Variants in OBSL1 observed in about 807,000 individuals in gnomAD.
The protein encoded by OBSL1 is obscurin like cytoskeletal adaptor 1.
Under a neutral mutation model 172.0 loss-of-function variants are expected in OBSL1, and 160 were observed. The observed-to-expected ratio is 0.93, with a 90% CI of 0.82 to 1.06. The LOEUF is 1.06. OBSL1 is among the 50% of genes least tolerant of loss of function. The pLI is 0.00. For missense variants in OBSL1, 2,681 were observed against 2,715.4 expected (o/e 0.99, Z 0.28); for synonymous variants, 1,200 against 1,196.3 (o/e 1.00, Z -0.06).
rs1221912543 is a variant in OBSL1, at chr2:219,568,469, G to A, written c.1013-145C>T. 1.3e-6 allele frequency: 1 copy of A among 791,868 alleles called. No homozygotes were observed. Among genetic ancestry groups the A allele is most frequent in the Non-Finnish European group, 2.0e-6 (1 of 511,824 alleles). The allele number at this position is 791,868 out of a possible 1,614,324, so 49.1% of individuals were successfully genotyped here. ...GTGGAATCACAGAAAACTACCAGAA[G>A]GGAAGTGGTGGTTCCTAAGATGACC... is the stretch of plus-strand genomic sequence containing the variant. On this transcript the variant is annotated intron_variant, in intron 1 of 20. Coordinates refer to ENST00000404537, the MANE Select transcript of OBSL1 (RefSeq NM_015311.3). This position sits in a 1 kb window ranked among gnomAD's most constrained non-coding sequence, Gnocchi z 4.1.
In OBSL1 at chr2:219,552,697, T is replaced by C; in HGVS notation, c.5147A>G (p.Glu1716Gly). The C allele has an allele frequency of 6.6e-7, 1 of 1,520,818 alleles. No individual in the cohort carries two copies. Among genetic ancestry groups the C allele is most frequent in the South Asian group, 1.2e-5 (1 of 83,588 alleles). The allele number at this position is 1,520,818 out of a possible 1,614,324, so 94.2% of individuals were successfully genotyped here. A position where few individuals can be genotyped will look rare whatever the true frequency, so the allele number is the denominator to read the frequency against. ...RAGPVRLTVR[E>G]RTVAVLSELR... ...CTCGGAGAGTACCGCCACAGTACGC[T>C]CTGGGGCGGAGCCCGGGGCGTGAGC... The change falls in exon 18 of 21, where the codon GAG (glutamate) becomes GGG (glycine). Residue 1716 changes from glutamate to glycine, a missense_variant and splice_region_variant. Glu to Gly is a moderately conservative substitution (Grantham distance 98, BLOSUM62 -2). Coordinates refer to ENST00000404537, the MANE Select transcript of OBSL1 (RefSeq NM_015311.3).
At chr2:219,548,204 T>C, downstream of OBSL1, 2 of 934,674 alleles carry the variant, frequency 2.1e-6, no homozygotes, top group Non-Finnish European at 3.1e-6. Flanking sequence ...AGAGCTGACT[T>C]GCTCAGGGTC....
chr2:219,547,847 C>T, downstream of OBSL1: 1 of 1,586,960 alleles, frequency 6.3e-7, no homozygotes, highest in Non-Finnish European at 8.5e-7. Flanking sequence ...CTGGCCCCGC[C>T]CACTCACCAC....
chr2:219,564,854 T>TA (rs1283100276), intron 6 of OBSL1, among the ~76,000 whole-genome samples: 1 of 152,152 alleles, frequency 6.6e-6, no homozygotes, highest in Non-Finnish European at 1.5e-5. Context: ...GGCGGGCAGA[T>TA]CATTTGAGGT....
At chr2:219,560,205 ACTTC>A (rs935761102) in intron 8 of OBSL1, among the ~76,000 whole-genome samples, 12 of 152,174 alleles carry the variant, frequency 7.9e-5, no homozygotes, top group Admixed American at 3.9e-4. Flanking sequence ...TGATTATACA[ACTTC>A]CTTAAGGTCA....
At chr2:219,549,127 T>G (rs1695469263), downstream of OBSL1, 1 of 1,613,222 alleles carries the variant, frequency 6.2e-7, no homozygotes, top group East Asian at 2.2e-5. Context: ...TCCTCTGAGC[T>G]CCTTCTCTAC....
rs958754107 is a variant in OBSL1, at chr2:219,551,121, A to G, written c.5684-279T>C. ...GAAAGAGGCTTCTGCCAAGGCTGAC[A>G]TGGAACTTGCTGAGATGGGCAGAGG... On this transcript the variant is annotated intron_variant, in intron 20 of 20. Transcript: ENST00000404537. 8 of 1,399,506 alleles carry G rather than the reference A, an allele frequency of 5.7e-6. No homozygotes were observed. In the African/African-American group the frequency reaches 8.7e-5, roughly 15 times the overall value. The allele number at this position is 1,399,506 out of a possible 1,614,324, so 86.7% of individuals were successfully genotyped here.
In OBSL1 at chr2:219,556,732, C is replaced by T; in HGVS notation, c.4067-9G>A. The T allele has an allele frequency of 1.3e-6, 2 of 1,590,216 alleles. No homozygotes were observed. Among genetic ancestry groups the T allele is most frequent in the Non-Finnish European group, 1.7e-6 (2 of 1,163,200 alleles). ...CTTCACCAGCAGTGGCTCTAAGGGG[C>T]ACGGTAAGGCAGTGAGCTGGGCTGA... On this transcript the variant is annotated splice_polypyrimidine_tract_variant and intron_variant, in intron 12 of 20. Coordinates refer to ENST00000404537, the MANE Select transcript of OBSL1 (RefSeq NM_015311.3).
rs200343179 is a variant in OBSL1, at chr2:219,567,446, C to T, written c.1664G>A (p.Arg555Gln). Residue 555 changes from arginine to glutamine, a missense_variant, in exon 4 of 21, where the codon CGG becomes CAG. By Grantham distance (43) the Arg-to-Gln change is conservative (BLOSUM62 1). This residue lies in a region of OBSL1 where 706 missense variants were observed against 695.8 expected (regional missense o/e 1.01). Coordinates refer to ENST00000404537, the MANE Select transcript of OBSL1 (RefSeq NM_015311.3). The stretch of plus-strand genomic sequence containing the variant: ...CCAGTCTTCAGAGCCCACTTCCTGC[C>T]GCTCCAGCCGGTAGATGAATGGGGT... ...PETPFIYRLE[R>Q]QEVGSEDWIQ... 86 of 1,613,358 alleles carry T rather than the reference C, an allele frequency of 5.3e-5. No individual in the cohort carries two copies. In the African/African-American group the frequency reaches 6.8e-4, roughly 13 times the overall value.
Position 219,553,591 on chromosome 2 carries a change from C to A in OBSL1, c.4972G>T (p.Asp1658Tyr), listed in dbSNP as rs1695789377. ...FECELSQALA[D>Y]VTWEKDGNAL... ...GATCTGACCTTCTCCCAGGTAACAT[C>A]AGCCAAAGCTTGGGAAAGCTCGCAC... is the stretch of plus-strand genomic sequence containing the variant. Residue 1658 changes from aspartate (D) to tyrosine (Y), a missense_variant, in exon 16 of 21, where the codon GAT becomes TAT. By Grantham distance (160) the Asp-to-Tyr change is radical. Transcript: ENST00000404537. 2 of 1,613,626 alleles carry A rather than the reference C, an allele frequency of 1.2e-6. No individual in the cohort carries two copies. The highest frequency in any genetic ancestry group is 1.7e-6 in the Non-Finnish European group (2 of 1,179,798).
Position 219,567,946 on chromosome 2 carries a change from G to GGGGCAGGC in OBSL1, c.1298_1305dup (p.Arg436AlafsTer17). The GGGGCAGGC allele has an allele frequency of 5.0e-6, 8 of 1,613,824 alleles. No homozygotes were observed. The highest frequency in any genetic ancestry group is 6.8e-6 in the Non-Finnish European group (8 of 1,179,884). ...TCTCCTTCCAGGACGTCGAGCTTCCGGGGCAGGCGCTTCAGGATGGGCCCT... is the reference window on the plus strand; with the variant it reads ...TCTCCTTCCAGGACGTCGAGCTTCCGGGGCAGGCGGGCAGGCGCTTCAGGATGGGCCCT... On this transcript the variant is annotated frameshift_variant, in exon 3 of 21. Coordinates refer to ENST00000404537, the MANE Select transcript of OBSL1 (RefSeq NM_015311.3). LOFTEE classifies it high-confidence loss of function.
At chr2:219,550,049 G>A, downstream of OBSL1, 1 of 704,944 alleles carries the variant, frequency 1.4e-6, no homozygotes, top group African/African-American at 1.8e-5. Context: ...CTCCCAAGAG[G>A]CTCCTGAGGA....
At chr2:219,552,718 T>C in intron 17 of OBSL1, 21 bp from the exon 18 acceptor site, 1 of 1,513,384 alleles carries the variant, frequency 6.6e-7, no homozygotes, top group Non-Finnish European at 8.9e-7. Context: ...GCCCGGGGCG[T>C]GAGCGGGGCG....
intron 6 of OBSL1, among the ~76,000 whole-genome samples, chr2:219,564,291 G>A (rs531749731): frequency 6.6e-4 from 100 of 152,336 alleles, no homozygotes; most frequent in African/African-American, 2.3e-3. Flanking sequence ...CCTACGGACT[G>A]CCTTGTGAGA....
chr2:219,555,547 TA>T (rs1256362658), intron 14 of OBSL1: 101 of 820,030 alleles, frequency 1.2e-4, no homozygotes, highest in Non-Finnish European at 1.4e-4. Flanking sequence ...CCCAAAGTGT[TA>T]GGATTATAGG....
intron 16 of OBSL1, 38 bp from the exon 17 acceptor site, chr2:219,553,062 G>A (rs1375891759): frequency 6.9e-7 from 1 of 1,439,014 alleles, no homozygotes; most frequent in Non-Finnish European, 9.1e-7. Context: ...GGCGAGCCCG[G>A]CTGGGCACAG....
At position 219,551,621 on chromosome 2, in the gene OBSL1, C is replaced by CT. The variant is rs750568728; in HGVS notation, c.5590dup (p.Ser1864LysfsTer6). 20 of 1,611,490 alleles carry CT rather than the reference C, an allele frequency of 1.2e-5. No individual in the cohort carries two copies. The highest frequency in any genetic ancestry group is 1.5e-5 in the Non-Finnish European group (18 of 1,179,022). On this transcript the variant is annotated frameshift_variant, in exon 20 of 21. Transcript: ENST00000404537. LOFTEE classifies it high-confidence loss of function. The stretch of plus-strand genomic sequence containing the variant: ...AGGTCGAACGTCATGGATGACCAGG[C>CT]TGTGGGTGGGGCCGTGGCTGCGCAT...
Position 219,571,105 on chromosome 2 carries a change from A to C in OBSL1, c.128T>G (p.Val43Gly). Residue 43 changes from valine (V) to glycine (G), a missense_variant, in exon 1 of 21, where the codon GTG (valine) becomes GGG (glycine). This residue lies in a region of OBSL1 where 90 missense variants were observed against 76.6 expected (regional missense o/e 1.18). Coordinates refer to ENST00000404537, the MANE Select transcript of OBSL1 (RefSeq NM_015311.3). ...CTGCTGCCCGCCCTTCTCCCACACC[A>C]CTACAGGCGGCGGCTCCCCCAGGAC... ...CVVLGEPPPV[V>G]VWEKGGQQLA... 1 of 1,465,932 alleles carries C rather than the reference A, an allele frequency of 6.8e-7. No homozygotes were observed. 90.8% of individuals were successfully genotyped at this position (1,465,932 alleles called of 1,614,324 possible).
chr2:219,547,871 G>A (rs760015323), downstream of OBSL1: 7 of 1,590,810 alleles, frequency 4.4e-6, no homozygotes, highest in Admixed American at 5.0e-5. Context: ...GGCCACCGCC[G>A]TGACTGGTGC....
Sources: allele counts gnomAD v4.1 joint callset (sites outside exome capture counted in the v4.1 genomes callset), GRCh38; gene constraint gnomAD v4.1.1; regional missense constraint gnomAD v4.1.1; non-coding constraint Gnocchi (gnomAD v3.1); transcripts MANE v1.5; gene names NCBI Gene and HGNC (gene_info 2026-07-23, HGNC 2026-07-21).